Variants in PALLD observed in about 807,000 individuals in gnomAD.
The protein encoded by PALLD is palladin.
PALLD carries 61 observed loss-of-function variants against 123.5 expected under a neutral mutation model. The ratio of observed to expected loss-of-function variants is 0.49; its 90% CI spans 0.40 to 0.61. PALLD has a LOEUF of 0.61. PALLD is among the 20% of genes least tolerant of loss of function. The pLI is 0.00. For missense variants in PALLD, 1,273 were observed against 1,377.0 expected, an observed-to-expected ratio of 0.92 and a Z score of 1.20; for synonymous variants, 465 against 496.4, an observed-to-expected ratio of 0.94 and a Z score of 0.84.
intron 10 of PALLD, among the ~76,000 whole-genome samples, chr4:168,770,077 G>A (rs771855042): frequency 1.3e-5 from 2 of 152,166 alleles, no homozygotes; most frequent in Non-Finnish European, 2.9e-5. Context: ...AGGGGTCTTG[G>A]AAGGTCAAGG....
At chr4:168,835,628 A>T (rs924738341) in intron 10 of PALLD, among the ~76,000 whole-genome samples, 1 of 152,148 alleles carries the variant, frequency 6.6e-6, no homozygotes, top group Non-Finnish European at 1.5e-5. Context: ...AAGCTCTGTT[A>T]TCAAATTTTA....
intron 2 of PALLD, among the ~76,000 whole-genome samples, chr4:168,595,637 A>G (rs148335680): frequency 3.7e-4 from 56 of 152,298 alleles, no homozygotes; most frequent in African/African-American, 1.3e-3. Flanking sequence ...TTTATAGTGA[A>G]GCAAGACAGT....
chr4:168,630,605 A>G (rs1295738834), intron 2 of PALLD, among the ~76,000 whole-genome samples: 1 of 152,166 alleles, frequency 6.6e-6, no homozygotes, highest in East Asian at 1.9e-4. Flanking sequence ...TCCGGAACGC[A>G]TTTTTTGATA....
intron 10 of PALLD, among the ~76,000 whole-genome samples, chr4:168,850,296 A>G (rs1206732462): frequency 6.6e-6 from 1 of 151,976 alleles, no homozygotes; most frequent in Non-Finnish European, 1.5e-5. Flanking sequence ...CCTACTCCCC[A>G]CCAAGAATTT....
intron 10 of PALLD, among the ~76,000 whole-genome samples, chr4:168,765,054 A>G (rs1357363036): frequency 6.6e-6 from 1 of 152,190 alleles, no homozygotes; most frequent in East Asian, 1.9e-4. Flanking sequence ...GTCTTCTTTT[A>G]CAGTGTGATG....
At chr4:168,901,604 T>G (rs1164569804) in intron 14 of PALLD, among the ~76,000 whole-genome samples, 1 of 152,218 alleles carries the variant, frequency 6.6e-6, no homozygotes, top group African/African-American at 2.4e-5. Context: ...ACACCTGGAA[T>G]CCCAGCACTT....
intron 2 of PALLD, among the ~76,000 whole-genome samples, chr4:168,656,449 T>C (rs1778580871): frequency 6.6e-6 from 1 of 152,122 alleles, no homozygotes. Flanking sequence ...GGGAACCTTT[T>C]TTTCCTTCAC....
chr4:168,832,946 G>T (rs899897409), intron 10 of PALLD: 1 of 152,242 alleles, frequency 6.6e-6, no homozygotes, highest in Non-Finnish European at 1.5e-5. Flanking sequence ...CTGGCAGCGC[G>T]CACCGGCCAC....
chr4:168,824,390 T>C (rs902901684), intron 10 of PALLD, among the ~76,000 whole-genome samples: 5 of 152,326 alleles, frequency 3.3e-5, no homozygotes, highest in African/African-American at 1.2e-4. Context: ...CCATATCTTA[T>C]TAAAATCCAT....
intron 10 of PALLD, among the ~76,000 whole-genome samples, chr4:168,756,641 G>A (rs532127309): frequency 6.6e-6 from 1 of 152,304 alleles, no homozygotes; most frequent in African/African-American, 2.4e-5. Context: ...AAGAGTAAGG[G>A]AGAGCAATTT....
intron 10 of PALLD, among the ~76,000 whole-genome samples, chr4:168,749,552 C>T (rs1730760075): frequency 6.6e-6 from 1 of 152,046 alleles, no homozygotes; most frequent in Admixed American, 6.6e-5. Flanking sequence ...ACTAAAACTG[C>T]AAAAATTAGC....
intron 8 of PALLD, among the ~76,000 whole-genome samples, chr4:168,703,547 T>C (rs997435387): frequency 2.4e-5 from 3 of 125,772 alleles, no homozygotes; most frequent in African/African-American, 1.1e-4. Flanking sequence ...TGTTCCTATT[T>C]CTCCACATCC....
At chr4:168,780,957 G>A (rs1196890768) in intron 10 of PALLD, among the ~76,000 whole-genome samples, 6 of 152,104 alleles carry the variant, frequency 3.9e-5, no homozygotes, top group Non-Finnish European at 7.4e-5. Flanking sequence ...CAAAGTGCTG[G>A]AATTACAGGC....
At chr4:168,762,431 C>G (rs1184229157) in intron 10 of PALLD, among the ~76,000 whole-genome samples, 1 of 152,072 alleles carries the variant, frequency 6.6e-6, no homozygotes, top group Non-Finnish European at 1.5e-5. Flanking sequence ...CAAGATTGTG[C>G]CTGTGCACTT....
chr4:168,638,539 G>A lies in PALLD; in HGVS notation c.909-29651G>A, dbSNP rs73867704. Among the ~76,000 whole-genome samples the A allele has an allele frequency of 9.6e-3, 1,463 of 152,238 alleles. 20 individuals are homozygous for A. The highest frequency in any genetic ancestry group is 0.032 in the African/African-American group (1,319 of 41,548). On this transcript the variant is annotated intron_variant, in intron 2 of 21. Coordinates refer to ENST00000505667, the MANE Select transcript of PALLD (RefSeq NM_001166108.2). ...TTTAGTCCATTCTGGCGGCTATAAC[G>A]AAGTACCATAAACTGGATACATTAT...
intron 2 of PALLD, among the ~76,000 whole-genome samples, chr4:168,522,757 T>C (rs1002161922): frequency 3.3e-5 from 5 of 152,184 alleles, no homozygotes; most frequent in South Asian, 2.1e-4. Flanking sequence ...GAATGATATA[T>C]AACAATAGAA....
At chr4:168,679,637 C>G (rs1781348154) in intron 3 of PALLD, among the ~76,000 whole-genome samples, 1 of 150,288 alleles carries the variant, frequency 6.7e-6, no homozygotes, top group African/African-American at 2.5e-5. Context: ...GAACTCAGCT[C>G]TCTGACTTAA....
chr4:168,635,561 C>G (rs1433982512), intron 2 of PALLD, among the ~76,000 whole-genome samples: 1 of 152,216 alleles, frequency 6.6e-6, no homozygotes, highest in Non-Finnish European at 1.5e-5. Flanking sequence ...ATGCCATAGT[C>G]TAATAGTCCA....
chr4:168,634,712 G>A (rs956489572), intron 2 of PALLD, among the ~76,000 whole-genome samples: 2 of 152,198 alleles, frequency 1.3e-5, no homozygotes, highest in African/African-American at 4.8e-5. Context: ...TTTGGGGCTG[G>A]TTAGAGATGA....
Sources: gnomAD v4.1 joint callset for allele counts (sites outside exome capture counted in the v4.1 genomes callset) on GRCh38, gnomAD v4.1.1 for gene constraint, MANE v1.5 for transcripts, NCBI Gene and HGNC (gene_info 2026-07-23, HGNC 2026-07-21) for gene names.